MORC3: variants seen among roughly 807,000 people sequenced by gnomAD.
The protein encoded by MORC3 is MORC family CW-type zinc finger 3, also known as MORC family CW-type zinc finger protein 3.
A neutral mutation model predicts 109.1 loss-of-function variants in MORC3; 31 were observed. That is an observed-to-expected ratio of 0.28 (90% CI 0.21 to 0.38). MORC3 has a LOEUF of 0.38. Ranked by LOEUF, MORC3 falls within the 10% of genes least tolerant of loss-of-function variation. The probability of loss-of-function intolerance (pLI) is 1.00; values close to 1 mark genes in which losing one functional copy is unlikely to be tolerated. For missense variants in MORC3, 867 were observed against 1,135.8 expected (o/e 0.76, Z 3.40); for synonymous variants, 395 against 380.7 (o/e 1.04, Z -0.44).
chr21:36,370,476 T>G (rs949156998), intron 15 of MORC3, among the ~76,000 whole-genome samples: 5 of 151,704 alleles, frequency 3.3e-5, no homozygotes, highest in Non-Finnish European at 7.4e-5. Context: ...TGTTCTTTTT[T>G]GGGCATCAAT....
Position 36,369,712 on chromosome 21 carries a change from A to C in MORC3, c.2344A>C (p.Arg782=). 1.2e-6 allele frequency: 2 copies of C among 1,614,216 alleles called. No individual in the cohort carries two copies. Among genetic ancestry groups the C allele is most frequent in the Non-Finnish European group, 1.7e-6 (2 of 1,180,036 alleles). Residue 782 remains arginine (R), a synonymous_variant, in exon 15 of 17, where the codon AGG becomes CGG. Transcript: ENST00000400485. ...TCAGCAAGCTTTGGAAGAAATAGAA[A>C]GGCTGAAAAAACAATGTAGTGCTTT... The part of the protein sequence containing the change: ...QYQQALEEIE[R]LKKQCSALQH...
At chr21:36,374,991 TA>T in intron 16 of MORC3, 151 bp from the exon 17 acceptor site, 1 of 692,192 alleles carries the variant, frequency 1.4e-6, no homozygotes, top group Non-Finnish European at 2.2e-6. Context: ...ATTATTAAAG[TA>T]AATTGAGTTC....
At chr21:36,366,483 A>T (rs1000137092) in intron 14 of MORC3, among the ~76,000 whole-genome samples, 1 of 151,594 alleles carries the variant, frequency 6.6e-6, no homozygotes, top group African/African-American at 2.4e-5. Flanking sequence ...TTTGAAACAG[A>T]GTCTTTCTCT....
intron 3 of MORC3, 121 bp downstream of exon 3, chr21:36,337,127 C>A: frequency 1.7e-6 from 2 of 1,170,942 alleles, no homozygotes; most frequent in East Asian, 2.6e-5. Context: ...ACAGTGTGAG[C>A]TGTTCTCTAA....
chr21:36,332,790 C>CTT lies in MORC3; in HGVS notation c.40-842_40-841dup, dbSNP rs71197001. Among the ~76,000 whole-genome samples, 1,319 of 139,822 alleles carry CTT rather than the reference C, an allele frequency of 9.4e-3. 28 individuals are homozygous for CTT. Among genetic ancestry groups the CTT allele is most frequent in the Middle Eastern group, 0.033 (9 of 270 alleles). 91.7% of individuals were successfully genotyped at this position (139,822 alleles called of 152,430 possible). A position where few individuals can be genotyped will look rare whatever the true frequency, so the allele number is the denominator to read the frequency against. On this transcript the variant is annotated intron_variant, in intron 1 of 16. Coordinates refer to ENST00000400485, the MANE Select transcript of MORC3 (RefSeq NM_015358.3). Reference sequence around the variant, plus strand: ...TTTAGTTTAACAATTGGAACTCTTTCTTTTTTTTTTTTTTTGAGATGGAGT... The same window carrying CTT: ...TTTAGTTTAACAATTGGAACTCTTTCTTTTTTTTTTTTTTTTTGAGATGGAGT...
intron 12 of MORC3, chr21:36,361,948 T>C: frequency 1.8e-6 from 1 of 569,838 alleles, no homozygotes; most frequent in Non-Finnish European, 3.2e-6. Context: ...CTGGTCTTAG[T>C]GGAGAAAAAA....
chr21:36,326,112 C>A (rs1177742720), intron 1 of MORC3, among the ~76,000 whole-genome samples: 2 of 152,074 alleles, frequency 1.3e-5, no homozygotes, highest in South Asian at 4.2e-4. Context: ...GAGGCTGAGG[C>A]GGGAGAATCG....
At chr21:36,372,682 G>T (rs2085884243) in intron 16 of MORC3, 151 bp downstream of exon 16, 2 of 733,068 alleles carry the variant, frequency 2.7e-6, no homozygotes, top group Non-Finnish European at 3.9e-6. Flanking sequence ...AGATAAAAAA[G>T]AAGTGACACT....
intron 15 of MORC3, among the ~76,000 whole-genome samples, chr21:36,371,752 A>T (rs982742359): frequency 7.2e-5 from 11 of 152,050 alleles, no homozygotes; most frequent in Admixed American, 3.3e-4. Flanking sequence ...AGAAATAAAA[A>T]CCACTGTGAC....
Position 36,362,110 on chromosome 21 carries a change from G to A in MORC3, c.1407-73G>A, listed in dbSNP as rs925670074. ...CAGAGTTCAGAGTACCTTAGTAACT[G>A]CATAAATGGCAGGTATGTCATTGGG... On this transcript the variant is annotated intron_variant, in intron 12 of 16. Transcript: ENST00000400485. 74 of 1,454,866 alleles carry A rather than the reference G, an allele frequency of 5.1e-5. 1 individual carries two copies. Among genetic ancestry groups the A allele is most frequent in the South Asian group, 3.7e-4 (32 of 86,208 alleles). The allele number at this position is 1,454,866 out of a possible 1,614,324, so 90.1% of individuals were successfully genotyped here.
chr21:36,361,572 AG>A (rs1210273296), intron 12 of MORC3: 1 of 129,368 alleles, frequency 7.7e-6, no homozygotes, highest in African/African-American at 2.9e-5. Flanking sequence ...AAAAAAAGGC[AG>A]GTGTGGTGGC....
intron 5 of MORC3, among the ~76,000 whole-genome samples, chr21:36,340,752 T>G (rs911616019): frequency 2.6e-5 from 4 of 151,678 alleles, no homozygotes; most frequent in African/African-American, 9.7e-5. Context: ...TTCTGCTGCC[T>G]CATCCTCCCG....
rs2085931553 is a variant in MORC3 at position 36,376,603 on chromosome 21, TATA to T, written c.*1312_*1314del. On this transcript the variant is annotated 3_prime_UTR_variant, in exon 17 of 17. Transcript: ENST00000400485. ...TAATTTCCCAAATTTTAAAATATCT[TATA>T]ATAAAATAAAAATATATGATGGCTA... 6.6e-6 allele frequency: 1 copy of T among 152,166 alleles called. No homozygotes were observed. The highest frequency in any genetic ancestry group is 1.5e-5 in the Non-Finnish European group (1 of 68,036). The allele number at this position is 152,166 out of a possible 1,614,324, so 9.4% of individuals were successfully genotyped here. A position where few individuals can be genotyped will look rare whatever the true frequency, so the allele number is the denominator to read the frequency against.
intron 1 of MORC3, among the ~76,000 whole-genome samples, chr21:36,331,534 G>A (rs998317183): frequency 6.6e-6 from 1 of 152,044 alleles, no homozygotes; most frequent in Admixed American, 6.6e-5. Context: ...CCCGGCGGGC[G>A]GAGCTTGCAG....
intron 6 of MORC3, among the ~76,000 whole-genome samples, chr21:36,344,259 A>G (rs527493516): frequency 6.6e-6 from 1 of 150,668 alleles, no homozygotes; most frequent in African/African-American, 2.4e-5. Context: ...CTTTTTGTAC[A>G]TATATACATT....
Position 36,360,240 on chromosome 21 carries a change from A to G in MORC3, c.1388A>G (p.Glu463Gly). The G allele has an allele frequency of 6.2e-7, 1 of 1,614,002 alleles. No homozygotes were observed. Among genetic ancestry groups the G allele is most frequent in the Non-Finnish European group, 8.5e-7 (1 of 1,179,950 alleles). Residue 463 changes from glutamate to glycine, a missense_variant, in exon 12 of 17, where the codon GAA (glutamate) becomes GGA (glycine). Glu to Gly is a moderately conservative substitution (Grantham distance 98). Transcript: ENST00000400485. ...EDEDLVHPTY[E>G]KTYKKTNKEK... Reference sequence around the variant, plus strand: ...GAGGATTTGGTACATCCCACTTATGAAAAAACCTACAAAAAGACGTGAGTG... The same window carrying G: ...GAGGATTTGGTACATCCCACTTATGGAAAAACCTACAAAAAGACGTGAGTG...
Position 36,341,481 on chromosome 21 carries a change from A to C in MORC3, c.691A>C (p.Lys231Gln). The C allele has an allele frequency of 6.2e-7, 1 of 1,614,126 alleles. No individual in the cohort carries two copies. The change falls in exon 6 of 17, where the codon AAG (lysine) becomes CAG (glutamine). Residue 231 changes from lysine (K) to glutamine (Q), a missense_variant. By Grantham distance (53) the Lys-to-Gln change is moderately conservative (BLOSUM62 1). Coordinates refer to ENST00000400485, the MANE Select transcript of MORC3 (RefSeq NM_015358.3). Reference sequence around the variant, plus strand: ...CGAGGATTTAGATGAGATAACAGGGAAGAAGGGGTACAAGAAGCAGGAAAG... The same window carrying C: ...CGAGGATTTAGATGAGATAACAGGGCAGAAGGGGTACAAGAAGCAGGAAAG... Reference protein sequence around the residue: ...IPEDLDEITGKKGYKKQERMD... With the variant: ...IPEDLDEITGQKGYKKQERMD...
intron 15 of MORC3, 93 bp downstream of exon 15, chr21:36,369,969 G>C (rs773817511): frequency 9.7e-6 from 14 of 1,441,100 alleles, no homozygotes; most frequent in Admixed American, 2.1e-5. Flanking sequence ...GCTCATACCT[G>C]TAATCCCACC....
chr21:36,354,139 G>A (rs1021611714), intron 9 of MORC3, among the ~76,000 whole-genome samples: 4 of 151,868 alleles, frequency 2.6e-5, no homozygotes, highest in African/African-American at 9.7e-5. Flanking sequence ...TCATTAAGTG[G>A]AAGTGGTTCA....
Sources: allele counts gnomAD v4.1 joint callset (sites outside exome capture counted in the v4.1 genomes callset), GRCh38; gene constraint gnomAD v4.1.1; transcripts MANE v1.5; gene names NCBI Gene and HGNC (gene_info 2026-07-23, HGNC 2026-07-21).